DPP10: variants seen among roughly 807,000 people sequenced by gnomAD.
DPP10 encodes the protein dipeptidyl peptidase like 10.
DPP10 carries 33 observed loss-of-function variants against 120.9 expected under a neutral mutation model. The ratio of observed to expected loss-of-function variants is 0.27; its 90% CI spans 0.21 to 0.37. The LOEUF (loss-of-function observed/expected upper bound fraction) is 0.37. Among genes scored for constraint, DPP10 ranks in the 10% least tolerant of loss-of-function variants. DPP10 has a pLI of 1.00. For synonymous variants in DPP10, 337 were observed against 326.1 expected, an observed-to-expected ratio of 1.03 and a Z score of -0.36; for missense variants, 816 against 942.8, an observed-to-expected ratio of 0.87 and a Z score of 1.76.
At chr2:115,286,059 CTTTA>C (rs1332351481) in intron 1 of DPP10, among the ~76,000 whole-genome samples, 1 of 151,940 alleles carries the variant, frequency 6.6e-6, no homozygotes, top group African/African-American at 2.4e-5. Flanking sequence ...CTTTGCTCTA[CTTTA>C]TTTATTTGTA....
At chr2:115,491,548 G>T (rs757345515) in intron 3 of DPP10, among the ~76,000 whole-genome samples, 4 of 152,044 alleles carry the variant, frequency 2.6e-5, no homozygotes, top group Non-Finnish European at 5.9e-5. Flanking sequence ...TCTCTGGGAG[G>T]AGAGGAGATT....
At chr2:115,302,771 AT>A (rs2061197963) in intron 1 of DPP10, among the ~76,000 whole-genome samples, 1 of 152,110 alleles carries the variant, frequency 6.6e-6, no homozygotes, top group Non-Finnish European at 1.5e-5. Context: ...GGTCAACAGC[AT>A]AAACCTATAA....
chr2:115,666,660 G>A (rs1289406880), intron 5 of DPP10, among the ~76,000 whole-genome samples: 2 of 152,120 alleles, frequency 1.3e-5, no homozygotes, highest in African/African-American at 4.8e-5. Context: ...GTCTCCTGAT[G>A]ATGGGCATTT....
chr2:115,557,646 C>CA (rs2080300347), intron 5 of DPP10, among the ~76,000 whole-genome samples: 1 of 152,152 alleles, frequency 6.6e-6, no homozygotes, highest in Non-Finnish European at 1.5e-5. Context: ...TGGAAATACT[C>CA]AGACATACCC....
intron 5 of DPP10, among the ~76,000 whole-genome samples, chr2:115,637,603 A>G (rs1028699408): frequency 6.6e-6 from 1 of 152,170 alleles, no homozygotes; most frequent in Non-Finnish European, 1.5e-5. Context: ...CCACAAAGAA[A>G]CTTAGCAGCT....
At chr2:115,313,650 T>C (rs2061672527) in intron 2 of DPP10, among the ~76,000 whole-genome samples, 1 of 152,220 alleles carries the variant, frequency 6.6e-6, no homozygotes, top group Non-Finnish European at 1.5e-5. Flanking sequence ...GAAACACATG[T>C]TCACTGTAAT....
In DPP10 at chr2:115,499,517, TGTG is replaced by T; in HGVS notation, c.283_285del (p.Val95del). The T allele has an allele frequency of 6.2e-7, 1 of 1,611,078 alleles. No individual in the cohort carries two copies. Among genetic ancestry groups the T allele is most frequent in the South Asian group, 1.1e-5 (1 of 90,882 alleles). The stretch of plus-strand genomic sequence containing the variant: ...ATGTCTTTGTTGTTGCAGATACAGA[TGTG>T]GTGTATAAAAGCGAGAATGGACATG... On this transcript the variant is annotated inframe_deletion, in exon 4 of 26. Transcript: ENST00000410059.
At chr2:115,327,491 T>G (rs536444707) in intron 2 of DPP10, among the ~76,000 whole-genome samples, 57 of 152,206 alleles carry the variant, frequency 3.7e-4, no homozygotes, top group Non-Finnish European at 7.5e-4. Flanking sequence ...GGCTCGAATT[T>G]TTTTGTTTGT....
chr2:115,038,750 T>TC (rs1203270723), intron 1 of DPP10, among the ~76,000 whole-genome samples: 2 of 152,208 alleles, frequency 1.3e-5, no homozygotes, highest in Non-Finnish European at 2.9e-5. Flanking sequence ...GGACAGTGAT[T>TC]ACTCTCGCTT....
intron 1 of DPP10, among the ~76,000 whole-genome samples, chr2:114,631,376 G>A (rs144254167): frequency 3.9e-5 from 6 of 152,088 alleles, no homozygotes; most frequent in Non-Finnish European, 8.8e-5. Context: ...GCTCTACCCC[G>A]CCTCTATCCT....
chr2:115,450,593 T>C (rs1360613463), intron 3 of DPP10, among the ~76,000 whole-genome samples: 1 of 151,968 alleles, frequency 6.6e-6, no homozygotes, highest in African/African-American at 2.4e-5. Flanking sequence ...ACCAGGATAG[T>C]CAACATTACT....
At chr2:115,169,970 G>A (rs994910985) in intron 1 of DPP10, among the ~76,000 whole-genome samples, 1 of 152,250 alleles carries the variant, frequency 6.6e-6, no homozygotes, top group East Asian at 1.9e-4. Flanking sequence ...ATCTGAGAAA[G>A]TCTGCTCTGA....
intron 1 of DPP10, among the ~76,000 whole-genome samples, chr2:115,180,432 A>T (rs72839217): frequency 0.013 from 1,910 of 152,294 alleles, 17 homozygotes; most frequent in Non-Finnish European, 0.02. Context: ...TGATTCTATC[A>T]TAAGGAATCA....
At chr2:115,781,139 A>T (rs1176454017) in intron 16 of DPP10, 144 bp downstream of exon 16, 1 of 520,574 alleles carries the variant, frequency 1.9e-6, no homozygotes, top group Admixed American at 4.1e-5. Context: ...TTATATATAG[A>T]CTTACTGAGA....
In DPP10 at chr2:115,056,377, T is replaced by A. The variant is rs535215499; in HGVS notation, c.61-252862T>A. Among the ~76,000 whole-genome samples, 9 of 152,108 alleles carry A rather than the reference T, an allele frequency of 5.9e-5. No individual in the cohort carries two copies. In the East Asian group the frequency reaches 9.6e-4, roughly 16 times the overall value. On this transcript the variant is annotated intron_variant, in intron 1 of 25. Transcript: ENST00000410059. Reference sequence around the variant, plus strand: ...TTATAGGTTCTGAATAGCTTTTTTTTCTTCTTCTTCTTCTTTCAAGAGACA... The same window carrying A: ...TTATAGGTTCTGAATAGCTTTTTTTACTTCTTCTTCTTCTTTCAAGAGACA...
intron 1 of DPP10, among the ~76,000 whole-genome samples, chr2:115,086,410 T>C (rs1039265236): frequency 1.3e-5 from 2 of 152,060 alleles, no homozygotes; most frequent in Non-Finnish European, 2.9e-5. Context: ...CCCTCCCTGC[T>C]TAGAGAGTTG....
chr2:115,595,261 T>G (rs2082917547), intron 5 of DPP10, among the ~76,000 whole-genome samples: 1 of 152,118 alleles, frequency 6.6e-6, no homozygotes, highest in Non-Finnish European at 1.5e-5. Context: ...TTTTTGCAGT[T>G]TACTCAACAG....
At chr2:114,956,369 A>T (rs1453626151) in intron 1 of DPP10, among the ~76,000 whole-genome samples, 3 of 152,006 alleles carry the variant, frequency 2.0e-5, no homozygotes, top group African/African-American at 7.2e-5. Context: ...TTAAAAAAAA[A>T]ACATGTAGGA....
At chr2:114,521,083 AT>A (rs1310792956) in intron 1 of DPP10, among the ~76,000 whole-genome samples, 1 of 152,224 alleles carries the variant, frequency 6.6e-6, no homozygotes, top group African/African-American at 2.4e-5. Context: ...GGGAAACAAA[AT>A]GGCAAATCTG....
Sources: gnomAD v4.1 joint callset for allele counts (sites outside exome capture counted in the v4.1 genomes callset) on GRCh38, gnomAD v4.1.1 for gene constraint, MANE v1.5 for transcripts, NCBI Gene and HGNC (gene_info 2026-07-23, HGNC 2026-07-21) for gene names.